Variants in BRINP3 observed in about 807,000 individuals in gnomAD.
The protein encoded by BRINP3 is BMP/retinoic acid-inducible neural-specific protein 3.
Under a neutral mutation model 71.0 loss-of-function variants are expected in BRINP3, and 19 were observed. That is an observed-to-expected ratio of 0.27 (90% CI 0.19 to 0.39). BRINP3 has a LOEUF of 0.39. BRINP3 is among the 10% of genes least tolerant of loss of function. The pLI is 1.00. For missense variants in BRINP3, 959 were observed against 940.8 expected (o/e 1.02, Z -0.25); for synonymous variants, 380 against 337.7 (o/e 1.13, Z -1.37).
intron 4 of BRINP3, among the ~76,000 whole-genome samples, chr1:190,239,348 A>G (rs974201002): frequency 6.6e-6 from 1 of 152,140 alleles, no homozygotes; most frequent in East Asian, 1.9e-4. Flanking sequence ...CAAATCTCAC[A>G]AATACAATGT....
At position 190,323,808 on chromosome 1, in the gene BRINP3, C is replaced by T. The variant is rs374513313; in HGVS notation, c.237-42058G>A. 6.1e-4 allele frequency among the ~76,000 whole-genome samples: 93 copies of T among 151,872 alleles called. 1 individual carries two copies. In the East Asian group the frequency reaches 0.016, roughly 25 times the overall value. The stretch of plus-strand genomic sequence containing the variant: ...CAAAGATATTGTAAGAGAAAAATCC[C>T]TTTTCAGCTTCATAGCTTGAAAGCA... On this transcript the variant is annotated intron_variant, in intron 2 of 7. Transcript: ENST00000367462.
intron 4 of BRINP3, among the ~76,000 whole-genome samples, chr1:190,247,013 T>C (rs1659673322): frequency 6.6e-6 from 1 of 151,994 alleles, no homozygotes; most frequent in Admixed American, 6.6e-5. Context: ...TGTTCTGACA[T>C]ATTAAATATA....
chr1:190,273,639 T>C (rs892093681), intron 3 of BRINP3, among the ~76,000 whole-genome samples: 1 of 151,592 alleles, frequency 6.6e-6, no homozygotes, highest in African/African-American at 2.4e-5. Context: ...ACATTTTTTA[T>C]AAGATATGGC....
intron 7 of BRINP3, among the ~76,000 whole-genome samples, chr1:190,119,333 G>A (rs1028321213): frequency 6.6e-5 from 10 of 152,032 alleles, no homozygotes; most frequent in Non-Finnish European, 7.4e-5. Flanking sequence ...CTGGAGTGCA[G>A]TGGCACGATC....
At chr1:190,331,022 T>C (rs1666928737) in intron 2 of BRINP3, among the ~76,000 whole-genome samples, 1 of 151,758 alleles carries the variant, frequency 6.6e-6, no homozygotes, top group Non-Finnish European at 1.5e-5. Flanking sequence ...TATTGATCAC[T>C]AGCATCCGAA....
chr1:190,153,433 T>C (rs1369500382), intron 7 of BRINP3, among the ~76,000 whole-genome samples: 1 of 152,122 alleles, frequency 6.6e-6, no homozygotes, highest in African/African-American at 2.4e-5. Context: ...GTACTTCATA[T>C]TTCCATTTCT....
intron 2 of BRINP3, among the ~76,000 whole-genome samples, chr1:190,349,575 C>T (rs1668240922): frequency 6.6e-6 from 1 of 152,016 alleles, no homozygotes; most frequent in African/African-American, 2.4e-5. Context: ...AAGCTAATGT[C>T]TTTTTCTTAG....
chr1:190,412,493 C>G (rs533677153), intron 2 of BRINP3, among the ~76,000 whole-genome samples: 81 of 133,694 alleles, frequency 6.1e-4, no homozygotes, highest in Non-Finnish European at 1.1e-3. Flanking sequence ...GACGGAGTCT[C>G]GCTCTGTCGC....
In BRINP3 at chr1:190,349,969, G is replaced by A. The variant is rs970854568; in HGVS notation, c.237-68219C>T. The stretch of plus-strand genomic sequence containing the variant: ...ACAGCACTTGTTCTGCTGTGATATA[G>A]AGTAGTGTTAGGGTGCAGTCAAATA... On this transcript the variant is annotated intron_variant, in intron 2 of 7. Coordinates refer to ENST00000367462, the MANE Select transcript of BRINP3 (RefSeq NM_199051.3). 2.0e-5 allele frequency among the ~76,000 whole-genome samples: 3 copies of A among 152,050 alleles called. No individual in the cohort carries two copies. The East Asian group carries it at 5.8e-4, about 29-fold the overall frequency.
chr1:190,406,301 G>T (rs570800212), intron 2 of BRINP3, among the ~76,000 whole-genome samples: 1 of 152,120 alleles, frequency 6.6e-6, no homozygotes, highest in African/African-American at 2.4e-5. Context: ...AATCAGCAAA[G>T]AATAATTTAA....
intron 6 of BRINP3, among the ~76,000 whole-genome samples, chr1:190,189,954 TG>T (rs1375867208): frequency 1.3e-5 from 2 of 152,110 alleles, no homozygotes; most frequent in African/African-American, 4.8e-5. Flanking sequence ...TCGCAGTCAG[TG>T]TGGCACTGCC....
chr1:190,414,408 T>C (rs1260006670), intron 2 of BRINP3, among the ~76,000 whole-genome samples: 1 of 152,124 alleles, frequency 6.6e-6, no homozygotes, highest in East Asian at 1.9e-4. Flanking sequence ...GCTTAGTGAC[T>C]TCCATATGTT....
At chr1:190,106,529 C>G (rs1652182240) in intron 7 of BRINP3, among the ~76,000 whole-genome samples, 2 of 151,172 alleles carry the variant, frequency 1.3e-5, no homozygotes, top group Non-Finnish European at 3.0e-5. Flanking sequence ...GTCTGTGACC[C>G]TAATATTTGA....
rs150748781 is a variant in BRINP3 at position 190,175,127 on chromosome 1, C to G, written c.962-14237G>C. ...ATAATAAAATCATGGCAATATTACT[C>G]CTTTCTCACAACAATATTTTTAGTA... On this transcript the variant is annotated intron_variant, in intron 6 of 7. Transcript: ENST00000367462. Among the ~76,000 whole-genome samples the G allele has an allele frequency of 2.6e-3, 400 of 152,176 alleles. 2 individuals carry two copies. Among genetic ancestry groups the G allele is most frequent in the African/African-American group, 8.8e-3 (366 of 41,546 alleles).
At chr1:190,469,569 G>A (rs572797030) in intron 1 of BRINP3, among the ~76,000 whole-genome samples, 39 of 150,934 alleles carry the variant, frequency 2.6e-4, no homozygotes, top group African/African-American at 8.0e-4. Context: ...AAGTGTTCAT[G>A]TCTGAAAAAA....
chr1:190,168,278 GAAGA>G (rs1315660051), intron 6 of BRINP3, among the ~76,000 whole-genome samples: 1 of 152,090 alleles, frequency 6.6e-6, no homozygotes, highest in African/African-American at 2.4e-5. Context: ...GTCATCATGA[GAAGA>G]AAGTTGTCTT....
intron 7 of BRINP3, among the ~76,000 whole-genome samples, chr1:190,126,824 GT>G (rs1654122625): frequency 6.6e-6 from 1 of 151,730 alleles, no homozygotes; most frequent in African/African-American, 2.4e-5. Flanking sequence ...TCTCCTTGCA[GT>G]TTTTTTGAAT....
At chr1:190,307,265 T>G (rs1015510780) in intron 2 of BRINP3, among the ~76,000 whole-genome samples, 32 of 120,390 alleles carry the variant, frequency 2.7e-4, no homozygotes, top group African/African-American at 7.8e-4. Flanking sequence ...ATTGTTTTTT[T>G]TTTTTTTTTT....
At position 190,230,382 on chromosome 1, in the gene BRINP3, A is replaced by G. The variant is rs193109584; in HGVS notation, c.724+3990T>C. 1.4e-4 allele frequency among the ~76,000 whole-genome samples: 22 copies of G among 152,108 alleles called. No individual in the cohort carries two copies. The East Asian group carries it at 3.3e-3, about 23-fold the overall frequency. Reference sequence around the variant, plus strand: ...ATGACCAGCTGGTCAATGTTCTTCAATGCTATTTTGCTCATGAACTACCTT... The same window carrying G: ...ATGACCAGCTGGTCAATGTTCTTCAGTGCTATTTTGCTCATGAACTACCTT... On this transcript the variant is annotated intron_variant, in intron 5 of 7. Coordinates refer to ENST00000367462, the MANE Select transcript of BRINP3 (RefSeq NM_199051.3).
Sources: gnomAD v4.1 joint callset for allele counts (sites outside exome capture counted in the v4.1 genomes callset) on GRCh38, gnomAD v4.1.1 for gene constraint, MANE v1.5 for transcripts, NCBI Gene and HGNC (gene_info 2026-07-23, HGNC 2026-07-21) for gene names.